The following NF1 variants were observed in gnomAD, a reference collection of about 807,000 sequenced individuals.
NF1 encodes neurofibromin.
Under a neutral mutation model 325.7 loss-of-function variants are expected in NF1, and 122 were observed. The ratio of observed to expected loss-of-function variants is 0.37; its 90% CI spans 0.32 to 0.44. NF1 has a LOEUF of 0.44. Ranked by LOEUF, NF1 falls within the 20% of genes least tolerant of loss-of-function variation. The probability of loss-of-function intolerance (pLI) is 1.00; values close to 1 mark genes in which losing one functional copy is unlikely to be tolerated. For synonymous variants in NF1, 1,091 were observed against 1,186.0 expected, an observed-to-expected ratio of 0.92 and a Z score of 1.65; for missense variants, 2,140 against 3,415.4, an observed-to-expected ratio of 0.63 and a Z score of 9.31.
At chr17:31,325,412 C>A (rs1358182849) in intron 36 of NF1, among the ~76,000 whole-genome samples, 34 of 152,326 alleles carry the variant, frequency 2.2e-4, no homozygotes, top group Non-Finnish European at 1.5e-5. Context: ...ATAATGTGTT[C>A]ATTGCTGAAT....
intron 12 of NF1, among the ~76,000 whole-genome samples, chr17:31,209,462 C>G (rs1248894501): frequency 6.6e-6 from 1 of 152,222 alleles, no homozygotes; most frequent in Non-Finnish European, 1.5e-5. Context: ...AGAATCATGT[C>G]TCTGTCACTT....
At chr17:31,116,686 G>A (rs756608079) in intron 1 of NF1, among the ~76,000 whole-genome samples, 3 of 150,790 alleles carry the variant, frequency 2.0e-5, no homozygotes, top group Non-Finnish European at 2.9e-5. Flanking sequence ...TATTTTTTTC[G>A]AGACGGAGTC....
At chr17:31,249,963 C>G in intron 30 of NF1, 1 of 490,542 alleles carries the variant, frequency 2.0e-6, no homozygotes, top group Non-Finnish European at 4.0e-6. Context: ...AGAGTCATCG[C>G]AGCCATTTGC....
intron 30 of NF1, chr17:31,250,472 CAG>C (rs1447826316): frequency 9.6e-6 from 2 of 208,722 alleles, no homozygotes; most frequent in Non-Finnish European, 2.0e-5. Flanking sequence ...TCTAAAATGA[CAG>C]AGGCTTTGAC....
intron 30 of NF1, 22 bp downstream of exon 30, chr17:31,249,141 A>G: frequency 1.2e-6 from 2 of 1,612,362 alleles, no homozygotes; most frequent in Non-Finnish European, 1.7e-6. Flanking sequence ...GTTAGAGATT[A>G]CCATTATTAA....
At chr17:31,352,219 A>C in intron 50 of NF1, 38 bp from the exon 51 acceptor site, 1 of 1,589,420 alleles carries the variant, frequency 6.3e-7, no homozygotes, top group Non-Finnish European at 8.6e-7. Flanking sequence ...ATTTGTCACC[A>C]TATTAATTGA....
chr17:31,308,387 C>T (rs569598145), intron 36 of NF1, among the ~76,000 whole-genome samples: 11 of 152,150 alleles, frequency 7.2e-5, no homozygotes, highest in East Asian at 1.9e-4. Context: ...GTGATCTGTC[C>T]GCCTCAGCCT....
chr17:31,352,944 G>T (rs2070187470), intron 51 of NF1, among the ~76,000 whole-genome samples: 1 of 151,694 alleles, frequency 6.6e-6, no homozygotes, highest in African/African-American at 2.4e-5. Flanking sequence ...GTCTTGTTCT[G>T]TTCACCCAGG....
chr17:31,152,428 T>A (rs569545993), intron 1 of NF1, among the ~76,000 whole-genome samples: 80 of 151,042 alleles, frequency 5.3e-4, no homozygotes, highest in Non-Finnish European at 9.4e-4. Flanking sequence ...CTTTGGTGAC[T>A]CCTGTTATAT....
chr17:31,242,974 A>T (rs2067326123), intron 29 of NF1, among the ~76,000 whole-genome samples: 1 of 152,132 alleles, frequency 6.6e-6, no homozygotes, highest in East Asian at 1.9e-4. Context: ...GGGTGTTGTT[A>T]TCTTAAGTCT....
chr17:31,219,825 C>T (rs2143992020), intron 14 of NF1, among the ~76,000 whole-genome samples: 1 of 152,218 alleles, frequency 6.6e-6, no homozygotes, highest in East Asian at 1.9e-4. Flanking sequence ...GAATATGTGG[C>T]CTTTTATGTC....
chr17:31,296,959 A>G (rs1186819364), intron 36 of NF1: 1 of 152,728 alleles, frequency 6.5e-6, no homozygotes, highest in Non-Finnish European at 1.5e-5. Context: ...TTCAGTGCCC[A>G]TTTTAAAGGA....
chr17:31,204,367 G>A (rs2066583638), intron 11 of NF1, among the ~76,000 whole-genome samples: 1 of 152,006 alleles, frequency 6.6e-6, no homozygotes, highest in Admixed American at 6.6e-5. Flanking sequence ...TTAAGGAATT[G>A]CCACATAATT....
chr17:31,317,368 AACACACACAC>A (rs3138611), intron 36 of NF1, among the ~76,000 whole-genome samples: 4 of 144,646 alleles, frequency 2.8e-5, no homozygotes, highest in East Asian at 2.0e-4. Flanking sequence ...TCCAGATTTG[AACACACACAC>A]ACACACACAC....
intron 2 of NF1, among the ~76,000 whole-genome samples, chr17:31,158,272 G>A (rs1358834792): frequency 1.3e-5 from 2 of 152,132 alleles, no homozygotes; most frequent in East Asian, 1.9e-4. Flanking sequence ...AACTGGAGGT[G>A]TAGAAAATCA....
Position 31,260,369 on chromosome 17 carries a change from G to A in NF1, c.4431G>A (p.Arg1477=), listed in dbSNP as rs181462219. ...TTCTAATGACTTTGCATTTTTGAAG[G>A]TTTTTCCTTGATATAGCATCTGATT... ...FVKSNFDAAR[R]FFLDIASDCP... is the part of the protein sequence containing the mutation. The change falls in exon 34 of 58, where the codon AGG becomes AGA. Residue 1477 remains arginine (R), a splice_region_variant and synonymous_variant. Coordinates refer to ENST00000358273, the MANE Select transcript of NF1 (RefSeq NM_001042492.3). 1.9e-6 allele frequency: 3 copies of A among 1,613,700 alleles called. No individual in the cohort carries two copies. The highest frequency in any genetic ancestry group is 1.7e-4 in the Middle Eastern group (1 of 6,058).
intron 1 of NF1, among the ~76,000 whole-genome samples, chr17:31,098,310 TA>T (rs1208471791): frequency 6.6e-6 from 1 of 151,966 alleles, no homozygotes; most frequent in East Asian, 1.9e-4. Flanking sequence ...ATACTTTTCC[TA>T]AGTATCCCAT....
chr17:31,152,786 G>A (rs1025358898), intron 1 of NF1, among the ~76,000 whole-genome samples: 1 of 151,158 alleles, frequency 6.6e-6, no homozygotes, highest in South Asian at 2.1e-4. Flanking sequence ...TGGTGGATAT[G>A]TCTTTTTGGA....
chr17:31,190,484 T>G (rs1209198899), intron 8 of NF1, among the ~76,000 whole-genome samples: 1 of 152,220 alleles, frequency 6.6e-6, no homozygotes, highest in East Asian at 1.9e-4. Flanking sequence ...GAAAATATTT[T>G]AGCTGTTCCT....
Sources: allele counts gnomAD v4.1 joint callset (sites outside exome capture counted in the v4.1 genomes callset), GRCh38; gene constraint gnomAD v4.1.1; transcripts MANE v1.5; gene names NCBI Gene and HGNC (gene_info 2026-07-23, HGNC 2026-07-21).